Variants in DDX46 observed in about 807,000 individuals in gnomAD.
DDX46 encodes probable ATP-dependent RNA helicase DDX46.
In DDX46, 30 loss-of-function variants were observed where a neutral mutation model predicts 134.9. That is an observed-to-expected ratio of 0.22 (90% CI 0.17 to 0.30). DDX46 has a LOEUF of 0.30. DDX46 is among the 10% of genes least tolerant of loss of function. DDX46 has a pLI of 1.00. For synonymous variants in DDX46, 415 were observed against 404.1 expected (o/e 1.03, Z -0.32); for missense variants, 622 against 1,248.7 (o/e 0.50, Z 7.56).
In DDX46 at chr5:134,781,036, A is replaced by T. The variant is rs912565614; in HGVS notation, c.766-97A>T. 1.7e-5 allele frequency: 15 copies of T among 866,580 alleles called. No individual in the cohort carries two copies. In the East Asian group the frequency reaches 4.2e-4, roughly 25 times the overall value. The allele number at this position is 866,580 out of a possible 1,614,324, so 53.7% of individuals were successfully genotyped here. A position where few individuals can be genotyped will look rare whatever the true frequency, so the allele number is the denominator to read the frequency against. Reference sequence around the variant, plus strand: ...CCATGTCACTAAAAAAAGAAAAAAAACTAAAGATGAAATTGTGTCAGTTAC... The same window carrying T: ...CCATGTCACTAAAAAAAGAAAAAAATCTAAAGATGAAATTGTGTCAGTTAC... On this transcript the variant is annotated intron_variant, in intron 6 of 22. Transcript: ENST00000452510.
At chr5:134,793,849 G>A (rs747754592) in intron 13 of DDX46, among the ~76,000 whole-genome samples, 5 of 152,162 alleles carry the variant, frequency 3.3e-5, no homozygotes, top group Admixed American at 2.6e-4. Flanking sequence ...GGATTGCCCT[G>A]AGGTGTAAAC....
At chr5:134,804,334 CA>C (rs1319848547) in intron 15 of DDX46, among the ~76,000 whole-genome samples, 3 of 152,208 alleles carry the variant, frequency 2.0e-5, no homozygotes, top group African/African-American at 7.2e-5. Flanking sequence ...GACTAAATGA[CA>C]TGGTATATTG....
chr5:134,778,019 TC>T, intron 6 of DDX46: 4 of 197,838 alleles, frequency 2.0e-5, no homozygotes, highest in Non-Finnish European at 4.0e-5. Flanking sequence ...TCTTTGATAC[TC>T]TTTTTTTTTT....
chr5:134,805,102 A>G (rs141517610), intron 15 of DDX46: 11 of 256,942 alleles, frequency 4.3e-5, no homozygotes, highest in Admixed American at 8.0e-5. Context: ...TAGAAAGCCT[A>G]TGACAGGCAG....
In DDX46 at chr5:134,767,084, C is replaced by G. The variant is rs370010333; in HGVS notation, c.350+24C>G. 319 of 1,597,480 alleles carry G rather than the reference C, an allele frequency of 2.0e-4. 4 individuals carry two copies. In the South Asian group the frequency reaches 3.3e-3, roughly 16 times the overall value. On this transcript the variant is annotated intron_variant, in intron 3 of 22. Coordinates refer to ENST00000452510, the MANE Select transcript of DDX46 (RefSeq NM_001300860.2). ...AGGTAATGTTATCATTGGGCTGCAT[C>G]TATAGTGCAGACTGGGGACTGCTTC...
intron 21 of DDX46, among the ~76,000 whole-genome samples, chr5:134,825,565 C>T (rs1755567694): frequency 6.6e-6 from 1 of 152,124 alleles, no homozygotes; most frequent in Non-Finnish European, 1.5e-5. Context: ...TAAAAATACA[C>T]GGAATGATAA....
chr5:134,778,432 T>TAA (rs1754016822), intron 6 of DDX46, among the ~76,000 whole-genome samples: 1 of 152,118 alleles, frequency 6.6e-6, no homozygotes, highest in Non-Finnish European at 1.5e-5. Context: ...ATGTCCCTTC[T>TAA]CCCTTCTAAA....
At position 134,784,647 on chromosome 5, in the gene DDX46, A is replaced by G. The variant is rs1242450705; in HGVS notation, c.1342+106A>G. The G allele has an allele frequency of 3.9e-6, 5 of 1,283,088 alleles. No individual in the cohort carries two copies. In the African/African-American group the frequency reaches 4.6e-5, roughly 12 times the overall value. 79.5% of individuals were successfully genotyped at this position (1,283,088 alleles called of 1,614,324 possible). A position where few individuals can be genotyped will look rare whatever the true frequency, so the allele number is the denominator to read the frequency against. On this transcript the variant is annotated intron_variant, in intron 10 of 22. Coordinates refer to ENST00000452510, the MANE Select transcript of DDX46 (RefSeq NM_001300860.2). ...TAATTATGACAATGAAGTTGTCTTT[A>G]TGTACATTTTCTTTATCAATTTGGC...
At chr5:134,763,588 A>G (rs1208896427) in intron 1 of DDX46, among the ~76,000 whole-genome samples, 1 of 152,154 alleles carries the variant, frequency 6.6e-6, no homozygotes. Flanking sequence ...TAAACATACT[A>G]TATACAGTGT....
Position 134,827,449 on chromosome 5 carries a change from A to G in DDX46, c.3051+429A>G, listed in dbSNP as rs148784960. On this transcript the variant is annotated intron_variant, in intron 22 of 22. Coordinates refer to ENST00000452510, the MANE Select transcript of DDX46 (RefSeq NM_001300860.2). ...ACCACCGCATCTGGCTAATTTTTGTATTTTTAGTAGAGATGGTGTTTCACT... is the reference window on the plus strand; with the variant it reads ...ACCACCGCATCTGGCTAATTTTTGTGTTTTTAGTAGAGATGGTGTTTCACT... 7.4e-3 allele frequency among the ~76,000 whole-genome samples: 1,123 copies of G among 152,094 alleles called. 6 individuals carry two copies. The highest frequency in any genetic ancestry group is 0.012 in the South Asian group (57 of 4,822).
chr5:134,767,571 C>G (rs1753614432), intron 3 of DDX46, among the ~76,000 whole-genome samples: 1 of 151,980 alleles, frequency 6.6e-6, no homozygotes, highest in South Asian at 2.1e-4. Flanking sequence ...GAACTCCTGA[C>G]CTCAAGTGAT....
chr5:134,771,246 C>G (rs898437847), intron 4 of DDX46, among the ~76,000 whole-genome samples: 3 of 151,738 alleles, frequency 2.0e-5, no homozygotes, highest in Admixed American at 2.0e-4. Flanking sequence ...AGGCATGCGC[C>G]ACCATGCCCA....
intron 5 of DDX46, among the ~76,000 whole-genome samples, chr5:134,776,586 G>T (rs1439962020): frequency 6.6e-6 from 1 of 152,058 alleles, no homozygotes; most frequent in Non-Finnish European, 1.5e-5. Flanking sequence ...GACCCATGCA[G>T]TTCAAACCTA....
At chr5:134,799,741 G>GA (rs113261672) in intron 15 of DDX46, among the ~76,000 whole-genome samples, 9,921 of 106,116 alleles carry the variant, frequency 0.093, 394 homozygotes, top group Non-Finnish European at 0.13. Flanking sequence ...TCCGTCTCAA[G>GA]AAAAAAAAAA....
At position 134,793,036 on chromosome 5, in the gene DDX46, C is replaced by G. The variant is rs377005448; in HGVS notation, c.1627-1814C>G. 1.7e-3 allele frequency among the ~76,000 whole-genome samples: 253 copies of G among 152,012 alleles called. 8 individuals carry two copies. The South Asian group carries it at 0.05, about 30-fold the overall frequency. On this transcript the variant is annotated intron_variant, in intron 13 of 22. Transcript: ENST00000452510. ...GCTGGGTGTGGGGGCATGCGCCTAT[C>G]GTCCCAGCTACTCAGGAGGCTGAAG... is the stretch of plus-strand genomic sequence containing the variant.
intron 18 of DDX46, among the ~76,000 whole-genome samples, chr5:134,815,688 C>A (rs922761238): frequency 1.8e-5 from 2 of 110,382 alleles, no homozygotes; most frequent in Non-Finnish European, 3.3e-5. Context: ...GCCTGGGAGA[C>A]AGAGCGAGAC....
chr5:134,770,295 C>G (rs745729916), intron 3 of DDX46, among the ~76,000 whole-genome samples: 1 of 151,192 alleles, frequency 6.6e-6, no homozygotes, highest in South Asian at 2.1e-4. Context: ...ACTGCAGCCT[C>G]GAACTACTGG....
Position 134,783,836 on chromosome 5 carries a change from A to C in DDX46, c.1167-530A>C, listed in dbSNP as rs1011355801. 8.3e-5 allele frequency among the ~76,000 whole-genome samples: 12 copies of C among 143,970 alleles called. 3 individuals are homozygous for C. The highest frequency in any genetic ancestry group is 7.7e-4 in the Admixed American group (11 of 14,362). The allele number at this position is 143,970 out of a possible 152,430, so 94.4% of individuals were successfully genotyped here. A position where few individuals can be genotyped will look rare whatever the true frequency, so the allele number is the denominator to read the frequency against. On this transcript the variant is annotated intron_variant, in intron 9 of 22. Transcript: ENST00000452510. ...AGTACTGGGATTACAGGCGTGAGCC[A>C]CCAAGGCCGGCCTTTTTTTTTTTTT...
intron 1 of DDX46, among the ~76,000 whole-genome samples, chr5:134,762,269 A>T (rs1049768215): frequency 3.3e-5 from 5 of 149,702 alleles, no homozygotes; most frequent in Admixed American, 3.3e-4. Context: ...AAAAAAAAAA[A>T]TTGGTGGGCG....
Sources: allele counts gnomAD v4.1 joint callset (sites outside exome capture counted in the v4.1 genomes callset), GRCh38; gene constraint gnomAD v4.1.1; transcripts MANE v1.5; gene names NCBI Gene and HGNC (gene_info 2026-07-23, HGNC 2026-07-21).